Variants in ZRANB3 observed in about 807,000 individuals in gnomAD.
ZRANB3 encodes the protein DNA annealing helicase and endonuclease ZRANB3.
A neutral mutation model predicts 133.8 loss-of-function variants in ZRANB3; 125 were observed. The ratio of observed to expected loss-of-function variants is 0.93; its 90% CI spans 0.81 to 1.08. The LOEUF (loss-of-function observed/expected upper bound fraction) is 1.08, where lower values mean the gene tolerates loss of function less well. Ranked by LOEUF, ZRANB3 falls within the 50% of genes least tolerant of loss-of-function variation. ZRANB3 has a pLI of 0.00. For missense variants in ZRANB3, 1,229 were observed against 1,275.5 expected (o/e 0.96, Z 0.56); for synonymous variants, 387 against 432.7 (o/e 0.89, Z 1.31).
intron 1 of ZRANB3, among the ~76,000 whole-genome samples, chr2:135,529,797 G>C (rs554732478): frequency 2.7e-4 from 41 of 151,650 alleles, no homozygotes; most frequent in Non-Finnish European, 4.6e-4. Flanking sequence ...TTACAGGTCT[G>C]AGCCACCGCG....
At chr2:135,206,619 A>G (rs978892200) in intron 19 of ZRANB3, among the ~76,000 whole-genome samples, 3 of 151,752 alleles carry the variant, frequency 2.0e-5, no homozygotes, top group African/African-American at 7.3e-5. Flanking sequence ...TGGGTGTGAT[A>G]ACTCATACTG....
At chr2:135,250,583 G>C (rs545528157) in intron 12 of ZRANB3, among the ~76,000 whole-genome samples, 1 of 152,346 alleles carries the variant, frequency 6.6e-6, no homozygotes, top group East Asian at 1.9e-4. Flanking sequence ...GTTCAGCCTA[G>C]GGACTTGGTT....
At chr2:135,306,838 C>T (rs1558904292) in intron 8 of ZRANB3, among the ~76,000 whole-genome samples, 3 of 151,978 alleles carry the variant, frequency 2.0e-5, no homozygotes, top group Admixed American at 6.5e-5. Context: ...GATCCTCCTG[C>T]CTCAGCCTCC....
At chr2:135,370,774 C>A (rs1297444655) in intron 3 of ZRANB3, among the ~76,000 whole-genome samples, 2 of 152,272 alleles carry the variant, frequency 1.3e-5, no homozygotes, top group East Asian at 3.9e-4. Context: ...GGCTCTGTGT[C>A]CCCACCCAAA....
chr2:135,269,127 A>C lies in ZRANB3; in HGVS notation c.1221T>G (p.Thr407=). The part of the protein sequence containing the change: ...IQAAGQGLTF[T]AASHVVFAEL... ...CAGCAAATACAACATGACTTGCTGC[A>C]GTAAATGTTAATCCCTAAGTGAAAT... is the stretch of plus-strand genomic sequence containing the variant. The change falls in exon 11 of 21, where the codon ACT becomes ACG. Residue 407 remains threonine, a synonymous_variant. Transcript: ENST00000264159. 1 of 1,601,414 alleles carries C rather than the reference A, an allele frequency of 6.2e-7. No individual in the cohort carries two copies. Among genetic ancestry groups the C allele is most frequent in the Non-Finnish European group, 8.5e-7 (1 of 1,175,800 alleles).
chr2:135,452,856 T>C (rs1156882527), intron 2 of ZRANB3, among the ~76,000 whole-genome samples: 1 of 152,160 alleles, frequency 6.6e-6, no homozygotes, highest in Non-Finnish European at 1.5e-5. Context: ...AGGCTGTCAG[T>C]GGATCTACCA....
chr2:135,221,055 C>A (rs573692086), intron 15 of ZRANB3, among the ~76,000 whole-genome samples: 1 of 151,970 alleles, frequency 6.6e-6, no homozygotes, highest in East Asian at 2.0e-4. Context: ...CGGGGTTTCA[C>A]CATATTGGCC....
intron 6 of ZRANB3, among the ~76,000 whole-genome samples, chr2:135,323,150 T>G (rs1683626395): frequency 6.6e-6 from 1 of 152,210 alleles, no homozygotes; most frequent in Admixed American, 6.6e-5. Flanking sequence ...ATAAACAAAT[T>G]TTCAAACTGT....
intron 6 of ZRANB3, 36 bp downstream of exon 6, chr2:135,345,514 G>A (rs1573948468): frequency 1.4e-6 from 2 of 1,439,744 alleles, no homozygotes; most frequent in South Asian, 1.2e-5. Flanking sequence ...CAGTAAACAT[G>A]TGAGGAAAAA....
rs756273481 is a variant in ZRANB3, at chr2:135,207,505, T to C, written c.2938A>G (p.Arg980Gly). 7 of 1,614,020 alleles carry C rather than the reference T, an allele frequency of 4.3e-6. No homozygotes were observed. Among genetic ancestry groups the C allele is most frequent in the Non-Finnish European group, 5.9e-6 (7 of 1,179,886 alleles). Residue 980 changes from arginine (R) to glycine (G), a missense_variant, in exon 19 of 21, where the codon AGA becomes GGA. Coordinates refer to ENST00000264159, the MANE Select transcript of ZRANB3 (RefSeq NM_032143.4). ...TTCCTCTGACTTTTAGGGGCATCTC[T>C]CAGACGTAAAAAGAGTTCTTGTGCG... Reference protein sequence around the residue: ...VNAQELFLRLRDAPKSQRKNL... With the variant: ...VNAQELFLRLGDAPKSQRKNL...
rs75802276 is a variant in ZRANB3, at chr2:135,413,030, G to C, written c.162-22210C>G. 6.0e-3 allele frequency among the ~76,000 whole-genome samples: 906 copies of C among 152,104 alleles called. 9 individuals carry two copies. The highest frequency in any genetic ancestry group is 0.02 in the African/African-American group (851 of 41,514). ...ACTGATGTTTCATAATAGGTAAAAA[G>C]AACTAAAACAAAACAAAACACTGAA... is the stretch of plus-strand genomic sequence containing the variant. On this transcript the variant is annotated intron_variant, in intron 2 of 20. Coordinates refer to ENST00000264159, the MANE Select transcript of ZRANB3 (RefSeq NM_032143.4).
At chr2:135,505,101 T>G (rs546843741) in intron 1 of ZRANB3, among the ~76,000 whole-genome samples, 1 of 152,282 alleles carries the variant, frequency 6.6e-6, no homozygotes, top group South Asian at 2.1e-4. Context: ...CCTCACCCCC[T>G]GGTTTTCCAC....
chr2:135,243,311 C>A (rs896710160), intron 12 of ZRANB3, among the ~76,000 whole-genome samples: 2 of 152,124 alleles, frequency 1.3e-5, no homozygotes, highest in African/African-American at 4.8e-5. Flanking sequence ...GTCAGGATTT[C>A]AAGATCAGTC....
chr2:135,466,678 T>C (rs1462668053), intron 2 of ZRANB3, among the ~76,000 whole-genome samples: 1 of 150,290 alleles, frequency 6.7e-6, no homozygotes. Context: ...TGATTTGTGT[T>C]GATTTTTTTT....
chr2:135,269,062 T>C lies in ZRANB3; in HGVS notation c.1286A>G (p.Asp429Gly), dbSNP rs1305500636. The change falls in exon 11 of 21, where the codon GAC becomes GGC. Residue 429 changes from aspartate (D) to glycine (G), a missense_variant. Physicochemically the swap from Asp to Gly is moderately conservative, Grantham distance 94. Coordinates refer to ENST00000264159, the MANE Select transcript of ZRANB3 (RefSeq NM_032143.4). The part of the protein sequence containing the change: ...WDPGHIKQAE[D>G]RAHRIGQCSS... Reference sequence around the variant, plus strand: ...GCACTGGCCAATTCTGTGAGCTCGGTCTTCTGCTTGTTTTATATGTCCAGG... The same window carrying C: ...GCACTGGCCAATTCTGTGAGCTCGGCCTTCTGCTTGTTTTATATGTCCAGG... 1 of 1,613,084 alleles carries C rather than the reference T, an allele frequency of 6.2e-7. No homozygotes were observed.
intron 1 of ZRANB3, among the ~76,000 whole-genome samples, chr2:135,509,030 A>T (rs1333911687): frequency 6.6e-6 from 1 of 152,124 alleles, no homozygotes; most frequent in African/African-American, 2.4e-5. Context: ...TGAAACCAGG[A>T]ATACATAATT....
chr2:135,259,385 G>C (rs1227156426), intron 12 of ZRANB3, among the ~76,000 whole-genome samples: 1 of 151,860 alleles, frequency 6.6e-6, no homozygotes, highest in Non-Finnish European at 1.5e-5. Flanking sequence ...ACAATCTTTT[G>C]CAGCAGACAA....
At chr2:135,253,996 T>A (rs1422489026) in intron 12 of ZRANB3, among the ~76,000 whole-genome samples, 1 of 152,208 alleles carries the variant, frequency 6.6e-6, no homozygotes, top group Non-Finnish European at 1.5e-5. Context: ...CAGGTCTCAC[T>A]TTTTGGCATG....
chr2:135,501,384 T>C (rs907334778), intron 2 of ZRANB3, among the ~76,000 whole-genome samples: 15 of 152,200 alleles, frequency 9.9e-5, no homozygotes, highest in Non-Finnish European at 2.9e-5. Flanking sequence ...GTAGAAAGTA[T>C]AGCACTAACA....
Sources: allele counts gnomAD v4.1 joint callset (sites outside exome capture counted in the v4.1 genomes callset), GRCh38; gene constraint gnomAD v4.1.1; transcripts MANE v1.5; gene names NCBI Gene and HGNC (gene_info 2026-07-23, HGNC 2026-07-21).